Variants in CADPS observed in about 807,000 individuals in gnomAD.
CADPS encodes the protein calcium dependent secretion activator.
CADPS carries 57 observed loss-of-function variants against 167.3 expected under a neutral mutation model. That is an observed-to-expected ratio of 0.34 (90% CI 0.28 to 0.42). The LOEUF is 0.42. Among genes scored for constraint, CADPS ranks in the 20% least tolerant of loss-of-function variants. CADPS has a pLI of 1.00. For synonymous variants in CADPS, 676 were observed against 635.3 expected (o/e 1.06, Z -0.96); for missense variants, 1,414 against 1,738.1 (o/e 0.81, Z 3.32).
chr3:62,759,102 G>C (rs1289540002), intron 2 of CADPS, among the ~76,000 whole-genome samples: 1 of 152,194 alleles, frequency 6.6e-6, no homozygotes, highest in African/African-American at 2.4e-5. Flanking sequence ...AGACATCATG[G>C]TTAGGAGGAT....
chr3:62,639,282 A>G (rs941711280), intron 6 of CADPS, among the ~76,000 whole-genome samples: 2 of 152,192 alleles, frequency 1.3e-5, no homozygotes, highest in African/African-American at 2.4e-5. Context: ...TTTTTCTGGA[A>G]GGAAAAAACA....
At chr3:62,745,773 G>A (rs1311607323) in intron 3 of CADPS, among the ~76,000 whole-genome samples, 3 of 152,156 alleles carry the variant, frequency 2.0e-5, no homozygotes, top group Admixed American at 1.3e-4. Flanking sequence ...AACTGCCTTG[G>A]ACTCTGCATT....
intron 6 of CADPS, among the ~76,000 whole-genome samples, chr3:62,593,551 C>A (rs917530908): frequency 1.3e-5 from 2 of 152,190 alleles, no homozygotes; most frequent in African/African-American, 4.8e-5. Flanking sequence ...TTGCACTGAG[C>A]CCCAGGTCCA....
chr3:62,855,417 G>A (rs1029387273), intron 1 of CADPS, among the ~76,000 whole-genome samples: 5 of 151,746 alleles, frequency 3.3e-5, no homozygotes, highest in African/African-American at 9.7e-5. Context: ...TAAAGTTTAC[G>A]TACTATGTTA....
chr3:62,638,608 A>G (rs188530701), intron 6 of CADPS, among the ~76,000 whole-genome samples: 62 of 152,274 alleles, frequency 4.1e-4, no homozygotes, highest in Non-Finnish European at 4.9e-4. Flanking sequence ...ACACAAGATT[A>G]GACTACTCAT....
intron 10 of CADPS, among the ~76,000 whole-genome samples, chr3:62,556,121 A>G (rs1004545027): frequency 2.0e-5 from 3 of 152,176 alleles, no homozygotes; most frequent in Non-Finnish European, 4.4e-5. Flanking sequence ...GAAGAACACA[A>G]ACCATCACAG....
At chr3:62,574,413 C>G (rs2081899273) in intron 8 of CADPS, among the ~76,000 whole-genome samples, 1 of 152,040 alleles carries the variant, frequency 6.6e-6, no homozygotes, top group Non-Finnish European at 1.5e-5. Flanking sequence ...TAGTGAAGAG[C>G]TGGTCACAGG....
At chr3:62,792,814 C>T (rs304217) in intron 1 of CADPS, among the ~76,000 whole-genome samples, 142,577 of 152,074 alleles carry the variant, frequency 0.94, 66,866 homozygotes, top group East Asian at 1. Context: ...CTCAGGCTGG[C>T]CTCAAACTCC....
chr3:62,541,975 T>C (rs970827616), intron 11 of CADPS, among the ~76,000 whole-genome samples: 15 of 152,218 alleles, frequency 9.9e-5, no homozygotes, highest in African/African-American at 3.1e-4. Flanking sequence ...TTTTATTTTA[T>C]TGAAATTTTC....
At chr3:62,654,441 C>T (rs1177913308) in intron 4 of CADPS, among the ~76,000 whole-genome samples, 1 of 152,142 alleles carries the variant, frequency 6.6e-6, no homozygotes, top group African/African-American at 2.4e-5. Flanking sequence ...AAGAGTTTGC[C>T]ACCAGGTTGA....
At chr3:62,604,901 C>T (rs1278908338) in intron 6 of CADPS, among the ~76,000 whole-genome samples, 1 of 152,208 alleles carries the variant, frequency 6.6e-6, no homozygotes, top group African/African-American at 2.4e-5. Flanking sequence ...ATAGGGAAAG[C>T]ATTCATTTAT....
chr3:62,466,218 C>A (rs922902343), intron 25 of CADPS, 121 bp downstream of exon 25: 5 of 672,116 alleles, frequency 7.4e-6, no homozygotes, highest in South Asian at 5.7e-5. Flanking sequence ...GATGTACAAT[C>A]TTGTTTCCTG....
intron 17 of CADPS, among the ~76,000 whole-genome samples, chr3:62,504,838 G>A (rs1414456788): frequency 6.6e-6 from 1 of 152,068 alleles, no homozygotes; most frequent in Non-Finnish European, 1.5e-5. Flanking sequence ...CTAAGCCAAG[G>A]AAGAGATGCA....
intron 1 of CADPS, among the ~76,000 whole-genome samples, chr3:62,782,823 G>A (rs1249094975): frequency 6.7e-6 from 1 of 148,194 alleles, no homozygotes; most frequent in African/African-American, 2.5e-5. Context: ...GCAGTGACCC[G>A]ATCTCATCTC....
At chr3:62,502,192 C>T (rs187462452) in intron 17 of CADPS, among the ~76,000 whole-genome samples, 1 of 152,156 alleles carries the variant, frequency 6.6e-6, no homozygotes, top group Non-Finnish European at 1.5e-5. Flanking sequence ...CAAAATGGAA[C>T]TAAAAGTAAA....
intron 10 of CADPS, 138 bp downstream of exon 10, chr3:62,557,267 T>C (rs1301781768): frequency 1.2e-5 from 8 of 641,300 alleles, no homozygotes; most frequent in Non-Finnish European, 1.1e-5. Context: ...GGATTGTGAC[T>C]GTCATGCACA....
At chr3:62,597,157 C>T (rs2059048699) in intron 6 of CADPS, among the ~76,000 whole-genome samples, 1 of 152,028 alleles carries the variant, frequency 6.6e-6, no homozygotes, top group South Asian at 2.1e-4. Context: ...TAGAAAGACC[C>T]AGGCTTTTTA....
Position 62,758,552 on chromosome 3 carries a change from T to A in CADPS, c.556-4779A>T, listed in dbSNP as rs1056948925. Reference sequence around the variant, plus strand: ...AACACTAAGTACTGATGTGCCTGTGTGTCTCTAAAACAACTATTCAAACTC... The same window carrying A: ...AACACTAAGTACTGATGTGCCTGTGAGTCTCTAAAACAACTATTCAAACTC... On this transcript the variant is annotated intron_variant, in intron 2 of 29. Transcript: ENST00000383710. Among the ~76,000 whole-genome samples the A allele has an allele frequency of 2.0e-5, 3 of 152,326 alleles. No homozygotes were observed. The South Asian group carries it at 6.2e-4, about 32-fold the overall frequency.
intron 1 of CADPS, among the ~76,000 whole-genome samples, chr3:62,854,282 T>C (rs2079210700): frequency 6.6e-6 from 1 of 152,206 alleles, no homozygotes; most frequent in South Asian, 2.1e-4. Context: ...AGTAACTTTC[T>C]CTCTATGCAT....
Sources: allele counts gnomAD v4.1 joint callset (sites outside exome capture counted in the v4.1 genomes callset), GRCh38; gene constraint gnomAD v4.1.1; transcripts MANE v1.5; gene names NCBI Gene and HGNC (gene_info 2026-07-23, HGNC 2026-07-21).